SCARA3: variants seen among roughly 807,000 people sequenced by gnomAD.
SCARA3 encodes cellular stress response gene protein.
In SCARA3, 39 loss-of-function variants were observed where a neutral mutation model predicts 47.0. That is an observed-to-expected ratio of 0.83 (90% confidence interval 0.64 to 1.08). SCARA3 has a LOEUF of 1.08. SCARA3 is among the 50% of genes least tolerant of loss of function. The pLI is 0.00. For synonymous variants in SCARA3, 356 were observed against 334.1 expected (o/e 1.07, Z -0.71); for missense variants, 724 against 792.3 (o/e 0.91, Z 1.04).
At chr8:27,677,189 C>A (rs879567462), downstream of SCARA3, among the ~76,000 whole-genome samples, 1 of 152,214 alleles carries the variant, frequency 6.6e-6, no homozygotes, top group Non-Finnish European at 1.5e-5. Flanking sequence ...ACAGAAAAGG[C>A]AACTTCCAGA....
chr8:27,705,687 A>G, the SCARA3 span, among the ~76,000 whole-genome samples: 1 of 152,266 alleles, frequency 6.6e-6, no homozygotes, highest in South Asian at 2.1e-4. Context: ...TACAACAGCA[A>G]TCAAACTATT....
the SCARA3 span, among the ~76,000 whole-genome samples, chr8:27,697,832 A>G: frequency 1.0e-3 from 158 of 151,954 alleles, no homozygotes; most frequent in African/African-American, 3.5e-3. Context: ...TGCCTTTGCT[A>G]CTCGTTTGCC....
the SCARA3 span, among the ~76,000 whole-genome samples, chr8:27,708,558 G>T: frequency 6.6e-6 from 1 of 150,426 alleles, no homozygotes; most frequent in Non-Finnish European, 1.5e-5. Context: ...GACATATCAA[G>T]AAAAAAGAAT....
In SCARA3 at chr8:27,671,622, A is replaced by G. The variant is rs534351106; in HGVS notation, c.*271A>G. The G allele has an allele frequency of 1.4e-4, 159 of 1,168,608 alleles. No homozygotes were observed. The highest frequency in any genetic ancestry group is 3.3e-4 in the Middle Eastern group (1 of 3,026). 72.4% of individuals were successfully genotyped at this position (1,168,608 alleles called of 1,614,324 possible). The stretch of plus-strand genomic sequence containing the variant: ...TGCACACATACACATGCATGCACAC[A>G]TACACAGGCATACATGCATGCACAC... On this transcript the variant is annotated 3_prime_UTR_variant, in exon 6 of 6. Transcript: ENST00000301904.
At chr8:27,678,525 A>C (rs1489037130), downstream of SCARA3, among the ~76,000 whole-genome samples, 3 of 152,238 alleles carry the variant, frequency 2.0e-5, no homozygotes, top group Non-Finnish European at 2.9e-5. Flanking sequence ...CTATGAAAGC[A>C]ATGAACTTTA....
At chr8:27,654,995 A>G (rs1563406888) in intron 3 of SCARA3, among the ~76,000 whole-genome samples, 1 of 152,170 alleles carries the variant, frequency 6.6e-6, no homozygotes, top group Admixed American at 6.5e-5. Context: ...AATCATAACT[A>G]TTGTAAACTG....
chr8:27,659,229 C>T lies in SCARA3; in HGVS notation c.1059C>T (p.His353=), dbSNP rs373760285. 2.0e-4 allele frequency: 330 copies of T among 1,614,062 alleles called. No individual in the cohort carries two copies. The highest frequency in any genetic ancestry group is 4.2e-4 in the East Asian group (19 of 44,894). The part of the protein sequence containing the change: ...FESLEGRMAS[H]EIEIGTIFTN... ...CTCTGGAAGGACGCATGGCTTCTCACGAGATTGAAATTGGCACCATCTTCA... is the reference window on the plus strand; with the variant it reads ...CTCTGGAAGGACGCATGGCTTCTCATGAGATTGAAATTGGCACCATCTTCA... The change falls in exon 5 of 6, where the codon CAC becomes CAT. Residue 353 remains histidine, a synonymous_variant. Transcript: ENST00000301904.
chr8:27,724,201 G>A, the SCARA3 span, among the ~76,000 whole-genome samples: 2 of 152,162 alleles, frequency 1.3e-5, no homozygotes, highest in Non-Finnish European at 2.9e-5. Context: ...AGTTCTCAAA[G>A]CCTCATTCCT....
chr8:27,634,352 T>A (rs1801200918), intron 1 of SCARA3, 145 bp downstream of exon 1: 1 of 637,214 alleles, frequency 1.6e-6, no homozygotes, highest in Non-Finnish European at 2.3e-6. Context: ...TTGGGCATCC[T>A]GCGAGACAGG....
chr8:27,639,849 C>T (rs545077876), intron 1 of SCARA3, among the ~76,000 whole-genome samples: 1 of 152,300 alleles, frequency 6.6e-6, no homozygotes, highest in South Asian at 2.1e-4. Context: ...AAATGACCCA[C>T]CGCGTTGACT....
downstream of SCARA3, chr8:27,676,486 A>G: frequency 6.5e-7 from 1 of 1,537,002 alleles, no homozygotes; most frequent in Non-Finnish European, 8.9e-7. Flanking sequence ...AAAGTCTCCA[A>G]CATAGGTGTC....
At chr8:27,730,460 G>A in the SCARA3 span, among the ~76,000 whole-genome samples, 1 of 150,978 alleles carries the variant, frequency 6.6e-6, no homozygotes, top group African/African-American at 2.4e-5. Flanking sequence ...AAGCTCAGCT[G>A]AGTCCAGAAC....
At chr8:27,692,385 C>A in the SCARA3 span, among the ~76,000 whole-genome samples, 73,189 of 150,706 alleles carry the variant, frequency 0.49, 18,076 homozygotes, top group Middle Eastern at 0.62. Context: ...ACGTCATTGC[C>A]CTCCAGCCTG....
chr8:27,658,788 G>A lies in SCARA3; in HGVS notation c.618G>A (p.Leu206=), dbSNP rs377497713. 6.2e-7 allele frequency: 1 copy of A among 1,613,976 alleles called. No homozygotes were observed. Among genetic ancestry groups the A allele is most frequent in the South Asian group, 1.1e-5 (1 of 91,090 alleles). Residue 206 remains leucine (L), a synonymous_variant, in exon 5 of 6, where the codon CTG becomes CTA. Coordinates refer to ENST00000301904, the MANE Select transcript of SCARA3 (RefSeq NM_016240.3). ...QATTAGLDLS[L]KDLTQECYDV... ...CCACAGCTGGCCTGGACCTCTCTCT[G>A]AAGGACCTCACCCAGGAGTGCTACG...
At chr8:27,652,698 C>T (rs916747714) in intron 3 of SCARA3, among the ~76,000 whole-genome samples, 17 of 152,202 alleles carry the variant, frequency 1.1e-4, no homozygotes, top group Non-Finnish European at 2.2e-4. Flanking sequence ...CAACAAAAGC[C>T]GGGAGCCTGC....
the SCARA3 span, among the ~76,000 whole-genome samples, chr8:27,689,819 A>G: frequency 2.2e-4 from 34 of 152,222 alleles, no homozygotes; most frequent in Middle Eastern, 6.8e-3. Context: ...TTATGTATTT[A>G]TCATGAGCAC....
intron 5 of SCARA3, among the ~76,000 whole-genome samples, chr8:27,660,567 T>C (rs6994031): frequency 6.0e-5 from 9 of 150,668 alleles, no homozygotes; most frequent in African/African-American, 2.0e-4. Flanking sequence ...AGATAATAGA[T>C]AGATAGATGA....
chr8:27,704,736 A>T, the SCARA3 span, among the ~76,000 whole-genome samples: 3 of 150,522 alleles, frequency 2.0e-5, no homozygotes, highest in Non-Finnish European at 4.4e-5. Flanking sequence ...TCATATGACT[A>T]GTTTCTAGGA....
the SCARA3 span, among the ~76,000 whole-genome samples, chr8:27,708,630 GGTT>G: frequency 6.6e-6 from 1 of 151,920 alleles, no homozygotes; most frequent in East Asian, 1.9e-4. Context: ...CTTGGTGGTG[GGTT>G]AGCGGACAGT....
Sources: allele counts gnomAD v4.1 joint callset (sites outside exome capture counted in the v4.1 genomes callset), GRCh38; gene constraint gnomAD v4.1.1; transcripts MANE v1.5; gene names NCBI Gene and HGNC (gene_info 2026-07-23, HGNC 2026-07-21).